The following OR51B5 variants were observed in gnomAD, a reference collection of about 807,000 sequenced individuals.
OR51B5 encodes olfactory receptor family 51 subfamily B member 5, also known as olfactory receptor 51B5.
For missense variants in OR51B5, 456 were observed against 374.6 expected (o/e 1.22, Z -1.79); for synonymous variants, 186 against 144.8 (o/e 1.28, Z -2.04).
At chr11:5,440,617 C>G (rs267602954) in intron 1 of OR51B5, 3 of 1,613,630 alleles carry the variant, frequency 1.9e-6, no homozygotes, top group Admixed American at 3.3e-5. Flanking sequence ...TTGCGGATCT[C>G]CTTGGTTTTC....
intron 1 of OR51B5, among the ~76,000 whole-genome samples, chr11:5,374,255 A>G (rs1849489650): frequency 6.6e-6 from 1 of 152,120 alleles, no homozygotes; most frequent in Non-Finnish European, 1.5e-5. Context: ...ACTCCAACAG[A>G]CCTGCAGCTG....
At chr11:5,348,104 G>T (rs943583123), upstream of OR51B5, among the ~76,000 whole-genome samples, 1 of 152,098 alleles carries the variant, frequency 6.6e-6, no homozygotes, top group Non-Finnish European at 1.5e-5. Context: ...AAGTAATAGT[G>T]TTGTCTGCTA....
intron 1 of OR51B5, among the ~76,000 whole-genome samples, chr11:5,372,057 C>T (rs541569042): frequency 6.6e-6 from 1 of 151,922 alleles, no homozygotes; most frequent in Non-Finnish European, 1.5e-5. Flanking sequence ...TTATACATTC[C>T]CCCCATCTCC....
At position 5,499,057 on chromosome 11, in the gene OR51B5, G is replaced by A. The variant is rs540224081; in HGVS notation, n.84+6512C>T. On this transcript the variant is annotated intron_variant and non_coding_transcript_variant, in intron 1 of 4. Coordinates refer to the OR51B5 transcript ENST00000415970. ...AAACTTTCCAAGAAAGTACAAGGCT[G>A]CAAAGGCAGGGACTGAACTTCTAGA... Among the ~76,000 whole-genome samples the A allele has an allele frequency of 7.2e-5, 11 of 152,310 alleles. No individual in the cohort carries two copies. In the East Asian group the frequency reaches 1.4e-3, roughly 19 times the overall value.
chr11:5,489,532 G>A (rs753696877), intron 1 of OR51B5: 2 of 1,614,078 alleles, frequency 1.2e-6, no homozygotes, highest in Admixed American at 3.3e-5. Context: ...CCCCAAGCAT[G>A]TGCACATCTT....
chr11:5,423,902 T>C (rs1206922183), intron 1 of OR51B5, among the ~76,000 whole-genome samples: 4 of 152,208 alleles, frequency 2.6e-5, no homozygotes, highest in Non-Finnish European at 5.9e-5. Context: ...AACTCATTTT[T>C]TTTCCGGACC....
At chr11:5,352,327 A>G in intron 1 of OR51B5, 5 of 1,613,960 alleles carry the variant, frequency 3.1e-6, no homozygotes, top group African/African-American at 1.3e-5. Context: ...TCACATCACA[A>G]TGAGCTACAT....
rs985096785 is a variant in OR51B5, at chr11:5,398,014, A to T, written n.85-51104T>A. Among the ~76,000 whole-genome samples the T allele has an allele frequency of 7.2e-4, 109 of 152,240 alleles. 1 individual carries two copies. The highest frequency in any genetic ancestry group is 4.3e-3 in the Admixed American group (65 of 15,292). On this transcript the variant is annotated intron_variant and non_coding_transcript_variant, in intron 1 of 4. Coordinates refer to the OR51B5 transcript ENST00000415970. The stretch of plus-strand genomic sequence containing the variant: ...GGAACTGAACAATGAGAACACATGG[A>T]CACAGGAAGGGGAACATCACACACC...
At chr11:5,362,013 T>C (rs901737720) in intron 1 of OR51B5, among the ~76,000 whole-genome samples, 17 of 152,198 alleles carry the variant, frequency 1.1e-4, no homozygotes, top group Admixed American at 9.2e-4. Context: ...TAGTGTCAGA[T>C]TGAGTAAAGC....
At chr11:5,438,876 G>C (rs192524854) in intron 1 of OR51B5, among the ~76,000 whole-genome samples, 1 of 152,282 alleles carries the variant, frequency 6.6e-6, no homozygotes, top group Non-Finnish European at 1.5e-5. Flanking sequence ...GCAATCTGCA[G>C]GTAAACGCTT....
chr11:5,396,630 A>T (rs1849876579), intron 1 of OR51B5, among the ~76,000 whole-genome samples: 1 of 152,016 alleles, frequency 6.6e-6, no homozygotes, highest in South Asian at 2.1e-4. Flanking sequence ...CATACTGCCC[A>T]AGGTAATTTA....
chr11:5,373,543 A>C (rs1463372378), intron 1 of OR51B5, among the ~76,000 whole-genome samples: 1 of 152,168 alleles, frequency 6.6e-6, no homozygotes, highest in Admixed American at 6.5e-5. Flanking sequence ...TCACTTGGGA[A>C]GCACAAGGGG....
chr11:5,430,108 T>C (rs1241835796), intron 1 of OR51B5, among the ~76,000 whole-genome samples: 1 of 151,934 alleles, frequency 6.6e-6, no homozygotes, highest in African/African-American at 2.4e-5. Flanking sequence ...TTTTTGAGAG[T>C]AAAAGAAGGT....
chr11:5,364,134 GAA>G (rs1442696834), intron 1 of OR51B5, among the ~76,000 whole-genome samples: 2 of 152,116 alleles, frequency 1.3e-5, no homozygotes, highest in East Asian at 3.9e-4. Flanking sequence ...CAACACTAAA[GAA>G]AGAGTAAAAT....
intron 1 of OR51B5, among the ~76,000 whole-genome samples, chr11:5,382,366 T>C (rs560038309): frequency 6.6e-6 from 1 of 152,312 alleles, no homozygotes; most frequent in African/African-American, 2.4e-5. Context: ...GGGCCTTCCC[T>C]GGCCCTCACC....
intron 1 of OR51B5, chr11:5,352,119 G>C: frequency 6.2e-7 from 1 of 1,614,102 alleles, no homozygotes; most frequent in Non-Finnish European, 8.5e-7. Flanking sequence ...TATTTGCAAT[G>C]GTCTTGTTGG....
intron 1 of OR51B5, among the ~76,000 whole-genome samples, chr11:5,493,316 C>A (rs1851604904): frequency 6.6e-6 from 1 of 152,134 alleles, no homozygotes; most frequent in Non-Finnish European, 1.5e-5. Flanking sequence ...TCATCATGTT[C>A]CCCATATCAA....
chr11:5,401,914 TCTCTC>T (rs1231968390), intron 1 of OR51B5, among the ~76,000 whole-genome samples: 1 of 151,264 alleles, frequency 6.6e-6, no homozygotes, highest in East Asian at 1.9e-4. Context: ...TCTTTCTCTC[TCTCTC>T]TTCTTTCCTT....
intron 1 of OR51B5, among the ~76,000 whole-genome samples, chr11:5,360,353 A>C (rs890542382): frequency 2.8e-4 from 42 of 152,204 alleles, no homozygotes; most frequent in African/African-American, 9.4e-4. Flanking sequence ...CACTTCTCAA[A>C]AGAAGACATT....
Sources: gnomAD v4.1 joint callset for allele counts (sites outside exome capture counted in the v4.1 genomes callset) on GRCh38, gnomAD v4.1.1 for gene constraint, MANE v1.5 for transcripts, NCBI Gene and HGNC (gene_info 2026-07-23, HGNC 2026-07-21) for gene names.